Variants in ADRA1B observed in about 807,000 individuals in gnomAD.
The protein encoded by ADRA1B is adrenoceptor alpha 1B, also known as alpha-1B adrenergic receptor.
A neutral mutation model predicts 17.9 loss-of-function variants in ADRA1B; 17 were observed. The observed-to-expected ratio is 0.95, with a 90% CI of 0.65 to 1.42. The LOEUF is 1.42. Ranked by LOEUF, ADRA1B falls within the 40% of genes most tolerant of loss-of-function variation. The probability of loss-of-function intolerance (pLI) is 0.00; values close to 1 mark genes in which losing one functional copy is unlikely to be tolerated. For synonymous variants in ADRA1B, 366 were observed against 327.6 expected (o/e 1.12, Z -1.27); for missense variants, 681 against 722.1 (o/e 0.94, Z 0.65).
At chr5:159,892,252 C>T (rs892729139) in intron 1 of ADRA1B, among the ~76,000 whole-genome samples, 4 of 152,188 alleles carry the variant, frequency 2.6e-5, no homozygotes, top group Non-Finnish European at 5.9e-5. Context: ...AAGACAACAG[C>T]TATCCTTTGA....
chr5:159,988,117 G>T, the ADRA1B span, among the ~76,000 whole-genome samples: 2 of 152,192 alleles, frequency 1.3e-5, no homozygotes, highest in African/African-American at 4.8e-5. Flanking sequence ...AAAGGAAACA[G>T]ACAGAAGACA....
intron 1 of ADRA1B, chr5:159,950,898 C>A (rs1475252306): frequency 3.5e-6 from 2 of 573,220 alleles, no homozygotes; most frequent in African/African-American, 1.8e-5. Flanking sequence ...TTCTGGAGAG[C>A]CCCGCAGCCG....
chr5:159,889,459 C>T (rs1753959421), intron 1 of ADRA1B, among the ~76,000 whole-genome samples: 1 of 152,142 alleles, frequency 6.6e-6, no homozygotes, highest in African/African-American at 2.4e-5. Context: ...GGGAATTCCC[C>T]ATTGTCCAAA....
chr5:159,919,305 G>A (rs142070004), intron 1 of ADRA1B, among the ~76,000 whole-genome samples: 1 of 152,286 alleles, frequency 6.6e-6, no homozygotes, highest in Non-Finnish European at 1.5e-5. Flanking sequence ...CAAGGTCTCA[G>A]GGTTCTTTTG....
intron 1 of ADRA1B, among the ~76,000 whole-genome samples, chr5:159,936,862 A>G (rs1159627437): frequency 2.0e-5 from 3 of 152,196 alleles, no homozygotes; most frequent in Admixed American, 1.3e-4. Context: ...CCCCAGGCTC[A>G]GGTGGACTTG....
At chr5:159,912,626 G>C (rs1400004985), upstream of ADRA1B, among the ~76,000 whole-genome samples, 1 of 152,338 alleles carries the variant, frequency 6.6e-6, no homozygotes, top group Admixed American at 6.5e-5. Flanking sequence ...CTGGTGCAGA[G>C]AGAAGGATGC....
chr5:159,986,578 C>T, the ADRA1B span, among the ~76,000 whole-genome samples: 2 of 152,188 alleles, frequency 1.3e-5, no homozygotes, highest in African/African-American at 2.4e-5. Context: ...AGAAGAATCA[C>T]TCAGTGAGCT....
chr5:159,877,949 C>T (rs777691646), intron 1 of ADRA1B, among the ~76,000 whole-genome samples: 4 of 152,160 alleles, frequency 2.6e-5, no homozygotes, highest in South Asian at 2.1e-4. Context: ...CCTTCTCTCC[C>T]GAGCCTTACT....
At chr5:159,900,756 C>A (rs965252325) in intron 1 of ADRA1B, among the ~76,000 whole-genome samples, 3 of 152,356 alleles carry the variant, frequency 2.0e-5, no homozygotes, top group Middle Eastern at 3.4e-3. Context: ...GGCAGCCCCC[C>A]AGCCATGCAG....
intron 1 of ADRA1B, among the ~76,000 whole-genome samples, chr5:159,895,834 G>A (rs920839541): frequency 3.9e-5 from 6 of 152,174 alleles, no homozygotes; most frequent in African/African-American, 7.2e-5. Flanking sequence ...CAGTGCTCCC[G>A]GGCCAGGTGA....
chr5:159,951,158 C>T (rs1006303049), intron 1 of ADRA1B: 1 of 750,902 alleles, frequency 1.3e-6, no homozygotes, highest in South Asian at 1.3e-5. Context: ...CCTTGTAGCT[C>T]CTCCCTGCAA....
intron 1 of ADRA1B, among the ~76,000 whole-genome samples, chr5:159,906,968 G>A (rs1043033104): frequency 5.9e-5 from 9 of 152,212 alleles, no homozygotes; most frequent in African/African-American, 1.7e-4. Context: ...CCTGGAAGAT[G>A]GAGGTTCACA....
chr5:159,868,691 C>G (rs1013205032), intron 1 of ADRA1B: 1 of 152,162 alleles, frequency 6.6e-6, no homozygotes, highest in African/African-American at 2.4e-5. Flanking sequence ...GTTACATTAC[C>G]TGAAAGATCA....
At chr5:159,981,864 G>GGCATCTAAGT in the ADRA1B span, among the ~76,000 whole-genome samples, 1 of 152,130 alleles carries the variant, frequency 6.6e-6, no homozygotes, top group Non-Finnish European at 1.5e-5. Context: ...AATCCCCAGT[G>GGCATCTAAGT]ATGCATACTT....
chr5:159,938,341 C>T (rs534106788), intron 1 of ADRA1B, among the ~76,000 whole-genome samples: 3 of 152,316 alleles, frequency 2.0e-5, no homozygotes, highest in Admixed American at 2.0e-4. Flanking sequence ...TGCATTTCAA[C>T]CAGGGGCCCT....
At chr5:159,941,930 T>C (rs1167565101) in intron 1 of ADRA1B, among the ~76,000 whole-genome samples, 1 of 148,498 alleles carries the variant, frequency 6.7e-6, no homozygotes, top group Non-Finnish European at 1.5e-5. Flanking sequence ...TTTTTTTTTT[T>C]TTTTTTTTTT....
chr5:159,986,359 C>T, the ADRA1B span, among the ~76,000 whole-genome samples: 361 of 152,344 alleles, frequency 2.4e-3, 2 homozygotes, highest in African/African-American at 8.1e-3. Context: ...TCCCAAAGCA[C>T]TGGGATTACA....
chr5:159,874,403 G>A (rs1753781012), intron 1 of ADRA1B, among the ~76,000 whole-genome samples: 1 of 152,182 alleles, frequency 6.6e-6, no homozygotes. Context: ...AGAGCTGTGG[G>A]TGGCCTCCTT....
intron 1 of ADRA1B, among the ~76,000 whole-genome samples, chr5:159,900,509 T>G (rs1754090096): frequency 6.6e-6 from 1 of 152,226 alleles, no homozygotes; most frequent in Non-Finnish European, 1.5e-5. Context: ...TCTTTTATAT[T>G]TTACAGCAAA....
Sources: gnomAD v4.1 joint callset for allele counts (sites outside exome capture counted in the v4.1 genomes callset) on GRCh38, gnomAD v4.1.1 for gene constraint, MANE v1.5 for transcripts, NCBI Gene and HGNC (gene_info 2026-07-23, HGNC 2026-07-21) for gene names.